The following GUCY2F variants were observed in gnomAD, a reference collection of about 807,000 sequenced individuals.
The protein encoded by GUCY2F is guanylate cyclase 2F, retinal.
Under a neutral mutation model 73.1 loss-of-function variants are expected in GUCY2F, and 61 were observed. The ratio of observed to expected loss-of-function variants is 0.83; its 90% CI spans 0.68 to 1.03. The LOEUF is 1.03. GUCY2F is among the 50% of genes least tolerant of loss of function. The pLI, the probability that GUCY2F is intolerant of heterozygous loss-of-function variation, is 0.00. For missense variants in GUCY2F, 912 were observed against 854.3 expected, an observed-to-expected ratio of 1.07 and a Z score of -0.84; for synonymous variants, 331 against 307.8, an observed-to-expected ratio of 1.08 and a Z score of -0.79.
chrX:109,389,845 G>A lies in GUCY2F; in HGVS notation c.2782-1182C>T, dbSNP rs142805978. ...TGGGTATGATTCAGCTCCAGAGAAAGAAGTTTAGCAATCAGCAATAGGCTC... is the reference window on the plus strand; with the variant it reads ...TGGGTATGATTCAGCTCCAGAGAAAAAAGTTTAGCAATCAGCAATAGGCTC... On this transcript the variant is annotated intron_variant, in intron 14 of 19. Transcript: ENST00000218006. Among the ~76,000 whole-genome samples the A allele has an allele frequency of 7.7e-3, 859 of 111,194 alleles. 8 individuals are homozygous for A. The highest frequency in any genetic ancestry group is 0.027 in the African/African-American group (829 of 30,614).
intron 19 of GUCY2F, among the ~76,000 whole-genome samples, chrX:109,373,747 C>T (rs1300934017): frequency 4.4e-5 from 5 of 112,722 alleles, no homozygotes; most frequent in African/African-American, 6.4e-5. Flanking sequence ...CTCAAAAAAG[C>T]ACATCTATGA....
chrX:109,387,881 G>A (rs1484953474), intron 15 of GUCY2F, among the ~76,000 whole-genome samples: 1 of 111,872 alleles, frequency 8.9e-6, no homozygotes, highest in African/African-American at 3.3e-5. Context: ...AGGGAGGCTT[G>A]TCATGAATTC....
intron 6 of GUCY2F, among the ~76,000 whole-genome samples, chrX:109,442,170 A>G (rs1453410354): frequency 8.9e-6 from 1 of 112,030 alleles, no homozygotes. Flanking sequence ...TGCACAGTTG[A>G]ATGACAAGAG....
intron 15 of GUCY2F, 45 bp from the exon 16 acceptor site, chrX:109,385,327 C>A: frequency 4.6e-6 from 3 of 647,290 alleles, no homozygotes; most frequent in South Asian, 2.8e-5. Context: ...CAGGTATGCA[C>A]CCAATGCTAA....
At chrX:109,435,421 C>T (rs368785404) in intron 7 of GUCY2F, among the ~76,000 whole-genome samples, 4,499 of 106,029 alleles carry the variant, frequency 0.042, 279 homozygotes, top group African/African-American at 0.14. Flanking sequence ...TGATTTGGCT[C>T]TCTGTTTGTC....
chrX:109,388,370 C>T (rs902092462), intron 15 of GUCY2F, 119 bp downstream of exon 15: 13 of 574,613 alleles, frequency 2.3e-5, no homozygotes, highest in Non-Finnish European at 3.1e-5. Flanking sequence ...AATTATGCAG[C>T]CCGGACACCT....
chrX:109,437,117 G>A (rs367860840), intron 7 of GUCY2F, among the ~76,000 whole-genome samples: 1 of 111,104 alleles, frequency 9.0e-6, no homozygotes, highest in Admixed American at 9.6e-5. Flanking sequence ...CTGTTAATGC[G>A]ATTGGCTTAT....
At chrX:109,388,710 C>A in intron 14 of GUCY2F, 47 bp from the exon 15 acceptor site, 1 of 899,063 alleles carries the variant, frequency 1.1e-6, no homozygotes, top group Non-Finnish European at 1.6e-6. Context: ...ATTTGTGCTT[C>A]TTTTTAGCAC....
intron 2 of GUCY2F, among the ~76,000 whole-genome samples, chrX:109,468,434 G>T (rs1481151010): frequency 1.8e-5 from 2 of 111,564 alleles, no homozygotes; most frequent in Non-Finnish European, 3.8e-5. Flanking sequence ...GTACACTTGG[G>T]TATTTTTTGT....
chrX:109,468,085 A>G (rs749964992), intron 2 of GUCY2F, among the ~76,000 whole-genome samples: 4 of 111,453 alleles, frequency 3.6e-5, no homozygotes, highest in Non-Finnish European at 7.5e-5. Flanking sequence ...TCTCTGCCCA[A>G]TCCTACTGTC....
chrX:109,383,088 T>C (rs1930356556), intron 16 of GUCY2F, among the ~76,000 whole-genome samples: 1 of 111,531 alleles, frequency 9.0e-6, no homozygotes. Flanking sequence ...GGGAGAGAAC[T>C]GCAAGGAGTT....
chrX:109,427,713 A>G (rs1205136521), intron 8 of GUCY2F, among the ~76,000 whole-genome samples: 4 of 112,301 alleles, frequency 3.6e-5, no homozygotes, highest in Non-Finnish European at 5.6e-5. Flanking sequence ...GCACATCTAC[A>G]TGGTAAATTC....
At chrX:109,417,534 C>T (rs1931274232) in intron 8 of GUCY2F, among the ~76,000 whole-genome samples, 1 of 111,350 alleles carries the variant, frequency 9.0e-6, no homozygotes, top group African/African-American at 3.2e-5. Flanking sequence ...ATATGAAAAA[C>T]ACTTTTATCC....
At chrX:109,469,350 G>A (rs1041642840) in intron 2 of GUCY2F, among the ~76,000 whole-genome samples, 6 of 110,982 alleles carry the variant, frequency 5.4e-5, no homozygotes, top group Admixed American at 4.8e-4. Context: ...TTGAGAGAGA[G>A]TAACTGTGTT....
At chrX:109,400,302 G>A (rs1930810057) in intron 10 of GUCY2F, among the ~76,000 whole-genome samples, 2 of 111,005 alleles carry the variant, frequency 1.8e-5, no homozygotes, top group South Asian at 7.8e-4. Context: ...CTAAGGATAG[G>A]CTCCCTGTGC....
At chrX:109,375,283 G>A (rs1930150400) in intron 19 of GUCY2F, among the ~76,000 whole-genome samples, 1 of 111,581 alleles carries the variant, frequency 9.0e-6, no homozygotes, top group Non-Finnish European at 1.9e-5. Context: ...GAGAATTCTT[G>A]ATAATTAGAT....
chrX:109,419,775 C>T (rs1931320962), intron 8 of GUCY2F, among the ~76,000 whole-genome samples: 1 of 109,681 alleles, frequency 9.1e-6, no homozygotes. Context: ...TCATTGCAAT[C>T]CCCATCAAAA....
chrX:109,383,029 AT>A (rs1556028018), intron 16 of GUCY2F, among the ~76,000 whole-genome samples: 1 of 110,926 alleles, frequency 9.0e-6, no homozygotes, highest in South Asian at 3.8e-4. Context: ...TGAGAAAATC[AT>A]TTTTTTTAAA....
At chrX:109,409,410 A>T (rs766609299) in intron 8 of GUCY2F, among the ~76,000 whole-genome samples, 8 of 111,641 alleles carry the variant, frequency 7.2e-5, no homozygotes, top group African/African-American at 2.6e-4. Context: ...ATAAAAACAA[A>T]AGAAGAGTGC....
Sources: gnomAD v4.1 joint callset for allele counts (sites outside exome capture counted in the v4.1 genomes callset) on GRCh38, gnomAD v4.1.1 for gene constraint, MANE v1.5 for transcripts, NCBI Gene and HGNC (gene_info 2026-07-23, HGNC 2026-07-21) for gene names.